Variants in BIRC6 observed in about 807,000 individuals in gnomAD.
BIRC6 encodes baculoviral IAP repeat containing 6.
Under a neutral mutation model 503.3 loss-of-function variants are expected in BIRC6, and 98 were observed. The ratio of observed to expected loss-of-function variants is 0.19; its 90% CI spans 0.17 to 0.23. The LOEUF is 0.23. Ranked by LOEUF, BIRC6 falls within the 10% of genes least tolerant of loss-of-function variation. The probability of loss-of-function intolerance (pLI) is 1.00; values close to 1 mark genes in which losing one functional copy is unlikely to be tolerated. For missense variants in BIRC6, 5,360 were observed against 5,806.0 expected, an observed-to-expected ratio of 0.92 and a Z score of 2.50; for synonymous variants, 2,240 against 2,078.7, an observed-to-expected ratio of 1.08 and a Z score of -2.11.
At chr2:32,377,567 G>A in intron 1 of BIRC6, 21 bp from the exon 2 acceptor site, 1 of 1,577,468 alleles carries the variant, frequency 6.3e-7, no homozygotes, top group Non-Finnish European at 8.6e-7. Context: ...CTTAAGTGTT[G>A]AATTTTTGTT....
At chr2:32,564,117 ATCATCTTCCATCC>A (rs1427738555) in intron 65 of BIRC6, 1 of 152,222 alleles carries the variant, frequency 6.6e-6, no homozygotes, top group Non-Finnish European at 1.5e-5. Context: ...CCCTTTAGTT[ATCATCTTCCATCC>A]CCTCATCTTC....
At chr2:32,571,722 A>G (rs1406630555) in intron 65 of BIRC6, among the ~76,000 whole-genome samples, 3 of 151,632 alleles carry the variant, frequency 2.0e-5, no homozygotes, top group Admixed American at 6.6e-5. Context: ...TGCTTTGTAT[A>G]TTTTTGTTGT....
chr2:32,534,518 G>T (rs2150089741), intron 61 of BIRC6, among the ~76,000 whole-genome samples: 1 of 151,492 alleles, frequency 6.6e-6, no homozygotes, highest in Admixed American at 6.6e-5. Context: ...ATCACCTGAG[G>T]TCAGGAGTTT....
intron 61 of BIRC6, among the ~76,000 whole-genome samples, chr2:32,539,059 T>C (rs989107112): frequency 6.6e-6 from 1 of 152,208 alleles, no homozygotes; most frequent in Non-Finnish European, 1.5e-5. Context: ...AAAAAGCTGC[T>C]ACCCCTATTT....
rs1186419796 is a variant in BIRC6, at chr2:32,478,746, A to G, written c.7180A>G (p.Arg2394Gly). 2 of 1,613,954 alleles carry G rather than the reference A, an allele frequency of 1.2e-6. No homozygotes were observed. The highest frequency in any genetic ancestry group is 1.3e-5 in the African/African-American group (1 of 75,060). ...LLLLVGTDFNRGDISWGGAWA... is the reference protein window; with the variant it reads ...LLLLVGTDFNGGDISWGGAWA... ...ACTTTTGGTTGGAACTGACTTCAAT[A>G]GAGGAGATATATCTTGGGGTGGTGC... is the stretch of plus-strand genomic sequence containing the variant. Residue 2394 changes from arginine to glycine, a missense_variant, in exon 36 of 74, where the codon AGA (arginine) becomes GGA (glycine). By Grantham distance (125) the Arg-to-Gly change is moderately radical. Coordinates refer to ENST00000421745, the MANE Select transcript of BIRC6 (RefSeq NM_016252.4).
At chr2:32,416,415 C>T (rs1428072226) in intron 10 of BIRC6, among the ~76,000 whole-genome samples, 1 of 151,820 alleles carries the variant, frequency 6.6e-6, no homozygotes, top group Non-Finnish European at 1.5e-5. Context: ...AAGAAAATCA[C>T]GTGCTTTTAT....
Position 32,545,784 on chromosome 2 carries a change from A to C in BIRC6, c.12734A>C (p.His4245Pro), listed in dbSNP as rs1165293703. The C allele has an allele frequency of 6.2e-7, 1 of 1,613,720 alleles. No individual in the cohort carries two copies. Among genetic ancestry groups the C allele is most frequent in the Non-Finnish European group, 8.5e-7 (1 of 1,179,828 alleles). The change falls in exon 63 of 74, where the codon CAC becomes CCC. Residue 4245 changes from histidine to proline, a missense_variant. Physicochemically the swap from His to Pro is moderately conservative, Grantham distance 77. Transcript: ENST00000421745. ...RRMALEIGAL[H>P]LILVCLSALS... ...ATGGCATTGGAAATTGGAGCCTTAC[A>C]CCTCATTCTTGTCTGTCTCTCTGCT...
chr2:32,378,120 G>T (rs1420372120), intron 2 of BIRC6, among the ~76,000 whole-genome samples: 2 of 152,208 alleles, frequency 1.3e-5, no homozygotes, highest in Middle Eastern at 3.4e-3. Flanking sequence ...GTTAGCTTGG[G>T]AGTTTAAGAC....
chr2:32,397,536 G>A lies in BIRC6; in HGVS notation c.1034+1943G>A, dbSNP rs558405081. On this transcript the variant is annotated intron_variant, in intron 6 of 73. Coordinates refer to ENST00000421745, the MANE Select transcript of BIRC6 (RefSeq NM_016252.4). ...GTTGCATGAGCAATTTTCAGTTTAA[G>A]TTGAGTTTCTGTTTGGAATTGTCTT... Among the ~76,000 whole-genome samples, 43 of 150,396 alleles carry A rather than the reference G, an allele frequency of 2.9e-4. 1 individual carries two copies. The South Asian group carries it at 8.0e-3, about 28-fold the overall frequency.
Position 32,529,823 on chromosome 2 carries a change from A to C in BIRC6, c.12093A>C (p.Lys4031Asn). 2 of 1,597,686 alleles carry C rather than the reference A, an allele frequency of 1.3e-6. No individual in the cohort carries two copies. Among genetic ancestry groups the C allele is most frequent in the South Asian group, 1.1e-5 (1 of 88,910 alleles). Reference sequence around the variant, plus strand: ...CTTATAAAAGACTACACCCTGAAAAAGGTATGTGCATAATACTACTTTAAA... The same window carrying C: ...CTTATAAAAGACTACACCCTGAAAACGGTATGTGCATAATACTACTTTAAA... The part of the protein sequence containing the change: ...TDSYKRLHPE[K>N]DHGDLLASCP... Residue 4031 changes from lysine (K) to asparagine (N), a missense_variant and splice_region_variant, in exon 60 of 74, where the codon AAA becomes AAC. Coordinates refer to ENST00000421745, the MANE Select transcript of BIRC6 (RefSeq NM_016252.4).
chr2:32,574,950 G>T lies in BIRC6; in HGVS notation c.13145-206G>T, dbSNP rs2060163033. On this transcript the variant is annotated intron_variant, in intron 65 of 73. Coordinates refer to ENST00000421745, the MANE Select transcript of BIRC6 (RefSeq NM_016252.4). ...CTTAGTAGAGACAGGGTTTCTACAT[G>T]TTGGTCAGGCTGGTCTCGAACTCCC... The T allele has an allele frequency of 4.8e-5, 28 of 579,702 alleles. 1 individual carries two copies. In the South Asian group the frequency reaches 5.6e-4, roughly 12 times the overall value. 35.9% of individuals were successfully genotyped at this position (579,702 alleles called of 1,614,324 possible).
chr2:32,403,561 T>G (rs2040830375), intron 8 of BIRC6, among the ~76,000 whole-genome samples: 1 of 152,218 alleles, frequency 6.6e-6, no homozygotes, highest in South Asian at 2.1e-4. Context: ...CACTTGTCAT[T>G]TGTATATCAG....
intron 2 of BIRC6, among the ~76,000 whole-genome samples, chr2:32,378,705 C>T (rs1022094624): frequency 2.0e-5 from 3 of 152,180 alleles, no homozygotes; most frequent in Non-Finnish European, 4.4e-5. Context: ...GATCCGCCCG[C>T]CTCAGCCTCC....
intron 1 of BIRC6, among the ~76,000 whole-genome samples, chr2:32,369,078 G>A (rs1367775648): frequency 6.6e-6 from 1 of 152,216 alleles, no homozygotes; most frequent in Non-Finnish European, 1.5e-5. Flanking sequence ...TTGAGGTGGT[G>A]TTTGAGTAAA....
At chr2:32,601,617 G>A (rs1326781413) in intron 70 of BIRC6, among the ~76,000 whole-genome samples, 1 of 151,928 alleles carries the variant, frequency 6.6e-6, no homozygotes, top group Non-Finnish European at 1.5e-5. Flanking sequence ...CAAATCTGTT[G>A]GCCATTATAT....
chr2:32,604,144 C>G (rs1021401334), intron 71 of BIRC6, among the ~76,000 whole-genome samples: 16 of 152,110 alleles, frequency 1.1e-4, no homozygotes, highest in African/African-American at 3.9e-4. Flanking sequence ...TTCTCTCATT[C>G]ATCCTGTAAC....
chr2:32,585,226 G>A (rs2754520), intron 66 of BIRC6, among the ~76,000 whole-genome samples: 55,935 of 151,828 alleles, frequency 0.37, 10,446 homozygotes, highest in Non-Finnish European at 0.41. Context: ...CAGACTCCAA[G>A]CCTCATTCCA....
intron 57 of BIRC6, among the ~76,000 whole-genome samples, chr2:32,524,017 C>A (rs372889654): frequency 2.7e-5 from 4 of 150,654 alleles, no homozygotes; most frequent in African/African-American, 9.8e-5. Flanking sequence ...GCACTCCAGC[C>A]TGGGCAACAC....
chr2:32,445,717 C>G (rs1022400728), intron 21 of BIRC6, 49 bp downstream of exon 21: 2 of 1,312,188 alleles, frequency 1.5e-6, no homozygotes, highest in African/African-American at 1.5e-5. Flanking sequence ...TGAGTATGAT[C>G]ACGCTTTTGC....
Sources: allele counts gnomAD v4.1 joint callset (sites outside exome capture counted in the v4.1 genomes callset), GRCh38; gene constraint gnomAD v4.1.1; transcripts MANE v1.5; gene names NCBI Gene and HGNC (gene_info 2026-07-23, HGNC 2026-07-21).